RARS2: variants seen among roughly 807,000 people sequenced by gnomAD.
RARS2 encodes the protein probable arginine--tRNA ligase, mitochondrial.
A neutral mutation model predicts 88.5 loss-of-function variants in RARS2; 67 were observed. The observed-to-expected ratio is 0.76, with a 90% CI of 0.62 to 0.93. The LOEUF (loss-of-function observed/expected upper bound fraction) is 0.93, where lower values mean the gene tolerates loss of function less well. Among genes scored for constraint, RARS2 ranks in the 40% least tolerant of loss-of-function variants. RARS2 has a pLI of 0.00. For missense variants in RARS2, 664 were observed against 684.2 expected (o/e 0.97, Z 0.33); for synonymous variants, 239 against 230.3 (o/e 1.04, Z -0.34).
intron 7 of RARS2, 116 bp downstream of exon 7, chr6:87,545,500 A>AT: frequency 7.6e-7 from 1 of 1,317,276 alleles, no homozygotes; most frequent in Non-Finnish European, 1.0e-6. Context: ...AAAAAAAAAA[A>AT]TAGGTAGGAC....
rs118047531 is a variant in RARS2, at chr6:87,570,101, T to C, written c.37-511A>G. 2.5e-3 allele frequency among the ~76,000 whole-genome samples: 375 copies of C among 151,870 alleles called. 2 individuals are homozygous for C. Among genetic ancestry groups the C allele is most frequent in the Non-Finnish European group, 3.8e-3 (259 of 67,914 alleles). The stretch of plus-strand genomic sequence containing the variant: ...TGGCATTTACAAATAAACAAGTAAA[T>C]AACAGGGAAAATGTGATCCCCGTCC... On this transcript the variant is annotated intron_variant, in intron 1 of 19. Transcript: ENST00000369536.
At chr6:87,573,151 T>C (rs748204974) in intron 1 of RARS2, among the ~76,000 whole-genome samples, 18 of 152,150 alleles carry the variant, frequency 1.2e-4, no homozygotes, top group Non-Finnish European at 2.4e-4. Flanking sequence ...TTCCACAGGC[T>C]GTACAGGAAG....
In RARS2 at chr6:87,524,793, C is replaced by A. The variant is rs539315254; in HGVS notation, c.879-141G>T. On this transcript the variant is annotated intron_variant, in intron 10 of 19. Coordinates refer to ENST00000369536, the MANE Select transcript of RARS2 (RefSeq NM_020320.5). ...CAGTGCCAATTCAAGCTTTAATCAACAATGGAAAAAAACAAGAATATGACC... is the reference window on the plus strand; with the variant it reads ...CAGTGCCAATTCAAGCTTTAATCAAAAATGGAAAAAAACAAGAATATGACC... The A allele has an allele frequency of 3.6e-5, 24 of 669,036 alleles. No individual in the cohort carries two copies. The African/African-American group carries it at 4.0e-4, about 11-fold the overall frequency. 41.4% of individuals were successfully genotyped at this position (669,036 alleles called of 1,614,324 possible).
In RARS2 at chr6:87,520,350, TGACA is replaced by T. The variant is rs1472437891; in HGVS notation, c.1036-98_1036-95del. The T allele has an allele frequency of 1.1e-5, 11 of 1,018,598 alleles. No individual in the cohort carries two copies. In the East Asian group the frequency reaches 2.3e-4, roughly 22 times the overall value. The allele number at this position is 1,018,598 out of a possible 1,614,324, so 63.1% of individuals were successfully genotyped here. Reference sequence around the variant, plus strand: ...GAATCAAATTAAGATATTTGAGGTCTGACAGACTAAAGTCGTCAATTGATATGTT... The same window carrying T: ...GAATCAAATTAAGATATTTGAGGTCTGACTAAAGTCGTCAATTGATATGTT... On this transcript the variant is annotated intron_variant, in intron 12 of 19. Coordinates refer to ENST00000369536, the MANE Select transcript of RARS2 (RefSeq NM_020320.5).
At chr6:87,528,250 A>G (rs935648077) in intron 10 of RARS2, among the ~76,000 whole-genome samples, 1 of 152,264 alleles carries the variant, frequency 6.6e-6, no homozygotes, top group South Asian at 2.1e-4. Flanking sequence ...AACAAAAAAA[A>G]AAAAAAAAAA....
chr6:87,589,031 G>A (rs1232249992), intron 1 of RARS2, among the ~76,000 whole-genome samples: 1 of 152,128 alleles, frequency 6.6e-6, no homozygotes, highest in Non-Finnish European at 1.5e-5. Context: ...AAGGCAGAGG[G>A]ATTTCCCCAC....
chr6:87,522,466 TTCAAG>T (rs1443855179), intron 11 of RARS2, among the ~76,000 whole-genome samples: 1 of 151,940 alleles, frequency 6.6e-6, no homozygotes, highest in African/African-American at 2.4e-5. Context: ...AAACCAAAAC[TTCAAG>T]TCAAGGATTA....
intron 1 of RARS2, among the ~76,000 whole-genome samples, chr6:87,575,675 G>A (rs1771258111): frequency 1.3e-5 from 2 of 152,006 alleles, no homozygotes; most frequent in Admixed American, 6.6e-5. Context: ...CCAAGGTGAT[G>A]GGAGACAGGG....
chr6:87,543,788 G>A (rs190088260), intron 7 of RARS2, among the ~76,000 whole-genome samples: 165 of 152,288 alleles, frequency 1.1e-3, no homozygotes, highest in African/African-American at 3.7e-3. Context: ...CAATACTTTG[G>A]AACTTAGGAA....
chr6:87,556,741 G>A (rs1445866063), intron 4 of RARS2, among the ~76,000 whole-genome samples: 6 of 144,686 alleles, frequency 4.1e-5, no homozygotes, highest in African/African-American at 1.0e-4. Context: ...GCAGTAAGCC[G>A]AGATCGCGCC....
At chr6:87,522,595 C>A (rs1224577237) in intron 11 of RARS2, among the ~76,000 whole-genome samples, 1 of 152,066 alleles carries the variant, frequency 6.6e-6, no homozygotes, top group Non-Finnish European at 1.5e-5. Context: ...GTCATTAGTA[C>A]CTATCTCATG....
intron 10 of RARS2, among the ~76,000 whole-genome samples, chr6:87,525,086 T>C (rs1038515340): frequency 6.6e-6 from 1 of 152,196 alleles, no homozygotes; most frequent in Non-Finnish European, 1.5e-5. Flanking sequence ...ATGACCAAAA[T>C]TTGGAATCTG....
intron 2 of RARS2, 53 bp from the exon 3 acceptor site, chr6:87,564,285 G>C: frequency 4.7e-6 from 6 of 1,271,692 alleles, no homozygotes; most frequent in Non-Finnish European, 6.9e-6. Flanking sequence ...AGCATTAGTT[G>C]TTAAACAAAG....
At chr6:87,517,939 T>C (rs1582256747) in intron 17 of RARS2, among the ~76,000 whole-genome samples, 1 of 152,188 alleles carries the variant, frequency 6.6e-6, no homozygotes, top group East Asian at 1.9e-4. Context: ...ATGTGCGCTA[T>C]TCATCAGTGA....
intron 1 of RARS2, among the ~76,000 whole-genome samples, chr6:87,572,397 GAAA>G (rs1205965138): frequency 6.6e-6 from 1 of 151,922 alleles, no homozygotes; most frequent in Non-Finnish European, 1.5e-5. Context: ...CAATTCGGCT[GAAA>G]AAAACTCAGT....
At position 87,514,344 on chromosome 6, in the gene RARS2, G is replaced by A; in HGVS notation, c.*69C>T. 3 of 999,342 alleles carry A rather than the reference G, an allele frequency of 3.0e-6. No homozygotes were observed. Among genetic ancestry groups the A allele is most frequent in the Non-Finnish European group, 4.7e-6 (3 of 636,508 alleles). The allele number at this position is 999,342 out of a possible 1,614,324, so 61.9% of individuals were successfully genotyped here. A position where few individuals can be genotyped will look rare whatever the true frequency, so the allele number is the denominator to read the frequency against. On this transcript the variant is annotated 3_prime_UTR_variant, in exon 20 of 20. Transcript: ENST00000369536. The stretch of plus-strand genomic sequence containing the variant: ...AAAAAAAAAAATTTAAATTTATTCT[G>A]AACAGCAAGGCATCTCAGAATAGAT...
chr6:87,566,873 A>AAAAG (rs55679282), intron 2 of RARS2, among the ~76,000 whole-genome samples: 1 of 148,652 alleles, frequency 6.7e-6, no homozygotes, highest in Non-Finnish European at 1.5e-5. Context: ...AAAAAAAAAA[A>AAAAG]TGTGGACAAG....
intron 1 of RARS2, among the ~76,000 whole-genome samples, chr6:87,579,552 C>G (rs1197924017): frequency 6.6e-6 from 1 of 151,856 alleles, no homozygotes; most frequent in Non-Finnish European, 1.5e-5. Flanking sequence ...TGTTTAAGAA[C>G]CACGGCTTAG....
rs534108580 is a variant in RARS2, at chr6:87,560,276, A to C, written c.297+2426T>G. On this transcript the variant is annotated intron_variant, in intron 4 of 19. Transcript: ENST00000369536. ...ACTTTTGGTTAAACATGCAAAGTTT[A>C]ATTTGGCAAATTAAAAAGCGTGAAA... Among the ~76,000 whole-genome samples, 6 of 152,352 alleles carry C rather than the reference A, an allele frequency of 3.9e-5. No homozygotes were observed. In the East Asian group the frequency reaches 1.2e-3, roughly 29 times the overall value.
Sources: allele counts gnomAD v4.1 joint callset (sites outside exome capture counted in the v4.1 genomes callset), GRCh38; gene constraint gnomAD v4.1.1; transcripts MANE v1.5; gene names NCBI Gene and HGNC (gene_info 2026-07-23, HGNC 2026-07-21).